Variants in SLC25A15 observed in about 807,000 individuals in gnomAD.
SLC25A15 encodes solute carrier family 25 member 15, also known as mitochondrial ornithine transporter 1.
Under a neutral mutation model 32.3 loss-of-function variants are expected in SLC25A15, and 24 were observed. The ratio of observed to expected loss-of-function variants is 0.74; its 90% CI spans 0.54 to 1.04. SLC25A15 has a LOEUF of 1.04. Among genes scored for constraint, SLC25A15 ranks in the 50% least tolerant of loss-of-function variants. The probability of loss-of-function intolerance (pLI) is 0.00; values close to 1 mark genes in which losing one functional copy is unlikely to be tolerated. For missense variants in SLC25A15, 317 were observed against 374.5 expected (o/e 0.85, Z 1.27); for synonymous variants, 132 against 142.1 (o/e 0.93, Z 0.51).
At chr13:40,790,562 T>C (rs1881443309) in intron 1 of SLC25A15, among the ~76,000 whole-genome samples, 1 of 152,188 alleles carries the variant, frequency 6.6e-6, no homozygotes, top group African/African-American at 2.4e-5. Context: ...TCCTAATAAT[T>C]CTAATGGCTA....
At position 40,805,658 on chromosome 13, in the gene SLC25A15, G is replaced by A. The variant is rs117344987; in HGVS notation, c.452+403G>A. Among the ~76,000 whole-genome samples, 383 of 152,290 alleles carry A rather than the reference G, an allele frequency of 2.5e-3. 5 individuals are homozygous for A. In the East Asian group the frequency reaches 0.047, roughly 19 times the overall value. ...ATATTTGATCCCCACTTCAGGTTTC[G>A]TATGGGTATTCAGGCTGATTGACCC... On this transcript the variant is annotated intron_variant, in intron 4 of 6. Transcript: ENST00000338625.
At chr13:40,793,014 C>G (rs553956454) in intron 1 of SLC25A15, 144 bp from the exon 2 acceptor site, 1 of 611,710 alleles carries the variant, frequency 1.6e-6, no homozygotes, top group Non-Finnish European at 3.0e-6. Context: ...CTAAGCTGCA[C>G]TGATACCTTG....
chr13:40,792,401 G>A (rs1335777820), intron 1 of SLC25A15, among the ~76,000 whole-genome samples: 2 of 152,166 alleles, frequency 1.3e-5, no homozygotes, highest in Non-Finnish European at 2.9e-5. Context: ...ATCAGAGGCC[G>A]CATTTTATTT....
chr13:40,806,191 AG>A (rs1356380720), intron 4 of SLC25A15, among the ~76,000 whole-genome samples: 1 of 152,240 alleles, frequency 6.6e-6, no homozygotes, highest in African/African-American at 2.4e-5. Flanking sequence ...TAATACACAT[AG>A]TATCATGAAT....
intron 1 of SLC25A15, among the ~76,000 whole-genome samples, chr13:40,790,234 G>A (rs1444082732): frequency 6.6e-6 from 1 of 152,194 alleles, no homozygotes; most frequent in Non-Finnish European, 1.5e-5. Context: ...GTGTTCCCTG[G>A]TGGAAAATGC....
rs1396590702 is a variant in SLC25A15 at position 40,810,870 on chromosome 13, G to A, written c.*1203G>A. The A allele has an allele frequency of 3.7e-6, 2 of 534,422 alleles. No homozygotes were observed. Among genetic ancestry groups the A allele is most frequent in the Non-Finnish European group, 7.7e-6 (2 of 260,090 alleles). 33.1% of individuals were successfully genotyped at this position (534,422 alleles called of 1,614,324 possible). ...CTTTTGTCTCTGGGTCCTGGCCTGGGGCCATCAATCCACTTTGGGCCACTC... is the reference window on the plus strand; with the variant it reads ...CTTTTGTCTCTGGGTCCTGGCCTGGAGCCATCAATCCACTTTGGGCCACTC... On this transcript the variant is annotated 3_prime_UTR_variant, in exon 7 of 7. Coordinates refer to ENST00000338625, the MANE Select transcript of SLC25A15 (RefSeq NM_014252.4).
intron 4 of SLC25A15, among the ~76,000 whole-genome samples, 163 bp downstream of exon 4, chr13:40,805,418 T>C (rs1882136176): frequency 6.6e-6 from 1 of 152,184 alleles, no homozygotes; most frequent in African/African-American, 2.4e-5. Flanking sequence ...TCTGAAAGGA[T>C]TGGCTGTGAT....
At chr13:40,797,959 A>G (rs1457062068) in intron 2 of SLC25A15, among the ~76,000 whole-genome samples, 2 of 152,164 alleles carry the variant, frequency 1.3e-5, no homozygotes, top group African/African-American at 2.4e-5. Flanking sequence ...GTTACAGTTC[A>G]TTCTTCTCTT....
In SLC25A15 at chr13:40,790,786, C is replaced by T. The variant is rs559616210; in HGVS notation, c.-70+1123C>T. The stretch of plus-strand genomic sequence containing the variant: ...ATTTTTAATAGAGACGGGGGTTTCT[C>T]ATGTTGGTCAGGCTGGTCTCGAACT... On this transcript the variant is annotated intron_variant, in intron 1 of 6. Coordinates refer to ENST00000338625, the MANE Select transcript of SLC25A15 (RefSeq NM_014252.4). 2.0e-5 allele frequency among the ~76,000 whole-genome samples: 3 copies of T among 152,146 alleles called. No individual in the cohort carries two copies. In the South Asian group the frequency reaches 6.2e-4, roughly 32 times the overall value.
chr13:40,791,472 C>T (rs537145026), intron 1 of SLC25A15, among the ~76,000 whole-genome samples: 36 of 151,822 alleles, frequency 2.4e-4, no homozygotes, highest in Non-Finnish European at 4.4e-4. Context: ...AATCTTCTGC[C>T]TCAGCCTCCT....
chr13:40,804,454 C>T (rs1296431118), intron 3 of SLC25A15, among the ~76,000 whole-genome samples: 3 of 152,192 alleles, frequency 2.0e-5, no homozygotes, highest in Non-Finnish European at 4.4e-5. Flanking sequence ...AGTGTCACTT[C>T]CCATAGGGAA....
intron 1 of SLC25A15, among the ~76,000 whole-genome samples, chr13:40,792,021 CTTA>C (rs1881524780): frequency 6.6e-6 from 1 of 152,114 alleles, no homozygotes; most frequent in East Asian, 1.9e-4. Context: ...TAAGTTGTTC[CTTA>C]TTATTTGCAA....
intron 1 of SLC25A15, among the ~76,000 whole-genome samples, 195 bp from the exon 2 acceptor site, chr13:40,792,963 A>C (rs995764858): frequency 6.6e-5 from 10 of 152,190 alleles, no homozygotes; most frequent in African/African-American, 2.4e-4. Flanking sequence ...ATTGATACAC[A>C]GGGGAGGTTT....
rs566534689 is a variant in SLC25A15 at position 40,794,296 on chromosome 13, C to T, written c.55+1015C>T. Reference sequence around the variant, plus strand: ...CGGAGGTTGTGGTGAGCCAAGATCGCGCCATTGCACTCCAGCCTGGGCAAC... The same window carrying T: ...CGGAGGTTGTGGTGAGCCAAGATCGTGCCATTGCACTCCAGCCTGGGCAAC... On this transcript the variant is annotated intron_variant, in intron 2 of 6. Coordinates refer to ENST00000338625, the MANE Select transcript of SLC25A15 (RefSeq NM_014252.4). 4.0e-5 allele frequency among the ~76,000 whole-genome samples: 6 copies of T among 151,200 alleles called. No homozygotes were observed. In the East Asian group the frequency reaches 7.8e-4, roughly 20 times the overall value.
intron 2 of SLC25A15, among the ~76,000 whole-genome samples, chr13:40,797,264 A>C (rs1273274155): frequency 1.3e-5 from 2 of 152,202 alleles, no homozygotes; most frequent in East Asian, 3.8e-4. Context: ...TCCCAGCTAC[A>C]CAGCAAATGT....
In SLC25A15 at chr13:40,794,106, C is replaced by G. The variant is rs376281447; in HGVS notation, c.55+825C>G. Among the ~76,000 whole-genome samples the G allele has an allele frequency of 1.2e-4, 19 of 152,252 alleles. 1 individual carries two copies. The South Asian group carries it at 3.7e-3, about 30-fold the overall frequency. ...CTGTAATCCCAGCACTTTAGGAGGCCAAGGCGGGCAGATCACCTGAGGTGA... is the reference window on the plus strand; with the variant it reads ...CTGTAATCCCAGCACTTTAGGAGGCGAAGGCGGGCAGATCACCTGAGGTGA... On this transcript the variant is annotated intron_variant, in intron 2 of 6. Coordinates refer to ENST00000338625, the MANE Select transcript of SLC25A15 (RefSeq NM_014252.4).
At position 40,809,884 on chromosome 13, in the gene SLC25A15, G is replaced by A. The variant is rs886050241; in HGVS notation, c.*217G>A. The A allele has an allele frequency of 4.5e-5, 25 of 552,722 alleles. No individual in the cohort carries two copies. The highest frequency in any genetic ancestry group is 2.9e-4 in the East Asian group (9 of 30,878). The allele number at this position is 552,722 out of a possible 1,614,324, so 34.2% of individuals were successfully genotyped here. A position where few individuals can be genotyped will look rare whatever the true frequency, so the allele number is the denominator to read the frequency against. On this transcript the variant is annotated 3_prime_UTR_variant, in exon 7 of 7. Transcript: ENST00000338625. Reference sequence around the variant, plus strand: ...ATTGTACTGAAATAGAAAAGTGACCGCTCTTGCTCTTGGTAAAATATAGAG... The same window carrying A: ...ATTGTACTGAAATAGAAAAGTGACCACTCTTGCTCTTGGTAAAATATAGAG...
chr13:40,800,913 A>G (rs1251454245), intron 3 of SLC25A15, among the ~76,000 whole-genome samples: 1 of 152,174 alleles, frequency 6.6e-6, no homozygotes, highest in Non-Finnish European at 1.5e-5. Flanking sequence ...TTTATTTCAT[A>G]TAGTGTATGT....
At chr13:40,801,994 T>C (rs1278056032) in intron 3 of SLC25A15, 2 of 152,260 alleles carry the variant, frequency 1.3e-5, no homozygotes, top group African/African-American at 2.4e-5. Flanking sequence ...TATAATAATG[T>C]GCTTGGTGTT....
Sources: gnomAD v4.1 joint callset for allele counts (sites outside exome capture counted in the v4.1 genomes callset) on GRCh38, gnomAD v4.1.1 for gene constraint, MANE v1.5 for transcripts, NCBI Gene and HGNC (gene_info 2026-07-23, HGNC 2026-07-21) for gene names.